PLPP1: variants seen among roughly 807,000 people sequenced by gnomAD.
The protein encoded by PLPP1 is lipid phosphate phosphohydrolase 1a.
Under a neutral mutation model 31.2 loss-of-function variants are expected in PLPP1, and 24 were observed. The observed-to-expected ratio is 0.77, with a 90% CI of 0.56 to 1.08. The LOEUF (loss-of-function observed/expected upper bound fraction) is 1.08. Among genes scored for constraint, PLPP1 ranks in the 50% least tolerant of loss-of-function variants. PLPP1 has a pLI of 0.00. For synonymous variants in PLPP1, 146 were observed against 126.3 expected (o/e 1.16, Z -1.05); for missense variants, 319 against 342.7 (o/e 0.93, Z 0.55).
intron 1 of PLPP1, among the ~76,000 whole-genome samples, chr5:55,502,435 C>A (rs1195253305): frequency 6.6e-6 from 1 of 150,410 alleles, no homozygotes; most frequent in African/African-American, 2.5e-5. Context: ...TGCAGTGAGC[C>A]GAGATCGTGC....
intron 1 of PLPP1, among the ~76,000 whole-genome samples, chr5:55,527,970 T>C (rs915991725): frequency 1.3e-5 from 2 of 152,186 alleles, no homozygotes; most frequent in African/African-American, 2.4e-5. Context: ...TCAGTTGATG[T>C]ACCCCATGTA....
intron 2 of PLPP1, among the ~76,000 whole-genome samples, chr5:55,473,736 C>A (rs1347736560): frequency 1.3e-5 from 2 of 152,102 alleles, no homozygotes; most frequent in Non-Finnish European, 2.9e-5. Flanking sequence ...TGGCTCACTG[C>A]AGGCTCAACT....
intron 3 of PLPP1, among the ~76,000 whole-genome samples, chr5:55,448,903 A>G (rs1182810355): frequency 6.6e-6 from 1 of 152,196 alleles, no homozygotes; most frequent in Non-Finnish European, 1.5e-5. Context: ...TATCCCATAT[A>G]CTTTAAATCA....
intron 1 of PLPP1, among the ~76,000 whole-genome samples, chr5:55,510,828 C>G (rs1267665351): frequency 6.6e-6 from 1 of 152,202 alleles, no homozygotes; most frequent in Non-Finnish European, 1.5e-5. Context: ...TGTCTGAGCT[C>G]AGTTTCCTCA....
chr5:55,425,485 G>A, intron 5 of PLPP1, 151 bp from the exon 6 acceptor site: 1 of 680,174 alleles, frequency 1.5e-6, no homozygotes, highest in Non-Finnish European at 2.2e-6. Flanking sequence ...GACTAACTGG[G>A]ATTTTTTAAA....
intron 1 of PLPP1, among the ~76,000 whole-genome samples, 188 bp downstream of exon 1, chr5:55,534,384 G>A (rs1430103101): frequency 6.6e-6 from 1 of 152,238 alleles, no homozygotes; most frequent in Non-Finnish European, 1.5e-5. Context: ...GACAGACAGC[G>A]GCGGGCACGC....
chr5:55,438,879 TGA>T, intron 4 of PLPP1, among the ~76,000 whole-genome samples: 1 of 148,456 alleles, frequency 6.7e-6, no homozygotes. Flanking sequence ...CCAGCCTGGG[TGA>T]GAGAGCAAGA....
At chr5:55,440,820 G>C (rs570611014) in intron 4 of PLPP1, among the ~76,000 whole-genome samples, 1 of 152,154 alleles carries the variant, frequency 6.6e-6, no homozygotes, top group African/African-American at 2.4e-5. Flanking sequence ...GTTACATATT[G>C]TGCATTTTAA....
At chr5:55,452,849 C>G (rs1247826851) in intron 3 of PLPP1, among the ~76,000 whole-genome samples, 1 of 152,100 alleles carries the variant, frequency 6.6e-6, no homozygotes, top group East Asian at 1.9e-4. Context: ...ATAGGTTTGA[C>G]AGTATATTTT....
At chr5:55,511,756 AG>A in intron 1 of PLPP1, among the ~76,000 whole-genome samples, 1 of 138,418 alleles carries the variant, frequency 7.2e-6, no homozygotes, top group Middle Eastern at 3.9e-3. Flanking sequence ...CTCCGCCTCC[AG>A]GGTTGACGCC....
At chr5:55,436,695 C>T (rs1375994170) in intron 4 of PLPP1, among the ~76,000 whole-genome samples, 4 of 152,162 alleles carry the variant, frequency 2.6e-5, no homozygotes, top group African/African-American at 9.7e-5. Flanking sequence ...TACACAGAGC[C>T]ACATCAGGAA....
chr5:55,461,970 G>A (rs1379421717), intron 3 of PLPP1, among the ~76,000 whole-genome samples: 2 of 151,864 alleles, frequency 1.3e-5, no homozygotes, highest in Admixed American at 6.6e-5. Flanking sequence ...CATTAAGTTA[G>A]TAATATACTT....
At chr5:55,471,723 A>G (rs1752419376) in intron 2 of PLPP1, among the ~76,000 whole-genome samples, 1 of 152,202 alleles carries the variant, frequency 6.6e-6, no homozygotes, top group Admixed American at 6.5e-5. Flanking sequence ...ATTTTTTTAA[A>G]TAAATGATTT....
chr5:55,458,911 A>C (rs1238544190), intron 3 of PLPP1, among the ~76,000 whole-genome samples: 2 of 146,942 alleles, frequency 1.4e-5, no homozygotes, highest in Admixed American at 6.9e-5. Context: ...AAAAAAAAAA[A>C]AAAAACACAT....
At chr5:55,531,649 T>G (rs946110463) in intron 1 of PLPP1, among the ~76,000 whole-genome samples, 1 of 152,260 alleles carries the variant, frequency 6.6e-6, no homozygotes, top group African/African-American at 2.4e-5. Context: ...GAAAACTCTC[T>G]TGAAGCTACC....
Position 55,473,319 on chromosome 5 carries a change from T to C in PLPP1, c.210+1980A>G, listed in dbSNP as rs114889876. ...CGTAATTACTCTATAGTTTCCTTCATACAGTTTCATTCAGGCACCTAGGAC... is the reference window on the plus strand; with the variant it reads ...CGTAATTACTCTATAGTTTCCTTCACACAGTTTCATTCAGGCACCTAGGAC... On this transcript the variant is annotated intron_variant, in intron 2 of 5. Coordinates refer to ENST00000307259, the MANE Select transcript of PLPP1 (RefSeq NM_003711.4). Among the ~76,000 whole-genome samples the C allele has an allele frequency of 8.8e-3, 1,341 of 152,272 alleles. 14 individuals carry two copies. The highest frequency in any genetic ancestry group is 0.031 in the African/African-American group (1,291 of 41,552).
At chr5:55,516,552 T>C (rs1753558299) in intron 1 of PLPP1, among the ~76,000 whole-genome samples, 1 of 152,238 alleles carries the variant, frequency 6.6e-6, no homozygotes, top group Admixed American at 6.5e-5. Flanking sequence ...ATGCCCACTA[T>C]GTAACGGTGA....
At chr5:55,505,644 T>C (rs1321584659) in intron 1 of PLPP1, among the ~76,000 whole-genome samples, 1 of 151,848 alleles carries the variant, frequency 6.6e-6, no homozygotes, top group Non-Finnish European at 1.5e-5. Context: ...TCAAGAAAAG[T>C]CAAAAGGTCA....
At chr5:55,497,438 G>C (rs1398070986) in intron 1 of PLPP1, among the ~76,000 whole-genome samples, 1 of 148,514 alleles carries the variant, frequency 6.7e-6, no homozygotes, top group East Asian at 2.0e-4. Flanking sequence ...TTTTTGGTAG[G>C]GACAGAGTCT....
Sources: allele counts gnomAD v4.1 joint callset (sites outside exome capture counted in the v4.1 genomes callset), GRCh38; gene constraint gnomAD v4.1.1; transcripts MANE v1.5; gene names NCBI Gene and HGNC (gene_info 2026-07-23, HGNC 2026-07-21).